PHF20L1: variants seen among roughly 807,000 people sequenced by gnomAD.
The protein encoded by PHF20L1 is PHD finger protein 20-like protein 1.
PHF20L1 carries 44 observed loss-of-function variants against 125.5 expected under a neutral mutation model. The observed-to-expected ratio is 0.35, with a 90% CI of 0.28 to 0.45. PHF20L1 has a LOEUF of 0.45. PHF20L1 is among the 20% of genes least tolerant of loss of function. The pLI is 1.00. For missense variants in PHF20L1, 1,012 were observed against 1,217.2 expected (o/e 0.83, Z 2.51); for synonymous variants, 380 against 403.1 (o/e 0.94, Z 0.69).
intron 2 of PHF20L1, among the ~76,000 whole-genome samples, chr8:132,792,479 C>G (rs1831845471): frequency 6.6e-6 from 1 of 152,150 alleles, no homozygotes; most frequent in Non-Finnish European, 1.5e-5. Flanking sequence ...CAGGTCTTCC[C>G]TCACCTATAC....
chr8:132,777,769 C>CT, intron 1 of PHF20L1, 23 bp from the exon 2 acceptor site: 2 of 1,086,278 alleles, frequency 1.8e-6, no homozygotes, highest in Non-Finnish European at 2.8e-6. Context: ...GCATTGGAAT[C>CT]TAACTTTTTT....
At chr8:132,796,029 T>G (rs1186259807) in intron 4 of PHF20L1, among the ~76,000 whole-genome samples, 1 of 152,134 alleles carries the variant, frequency 6.6e-6, no homozygotes, top group African/African-American at 2.4e-5. Context: ...GTATTCATTG[T>G]TATTACTAAA....
intron 8 of PHF20L1, chr8:132,807,458 G>A: frequency 8.5e-6 from 2 of 236,088 alleles, no homozygotes; most frequent in South Asian, 4.9e-5. Context: ...GGCTCTAAGA[G>A]TTCCTGGAAT....
intron 12 of PHF20L1, among the ~76,000 whole-genome samples, chr8:132,822,947 C>A (rs1835761265): frequency 6.6e-6 from 1 of 151,714 alleles, no homozygotes; most frequent in Admixed American, 6.6e-5. Flanking sequence ...TTTAAATGTA[C>A]TGTAGTATTT....
chr8:132,792,970 T>TC (rs1554627949), intron 2 of PHF20L1, among the ~76,000 whole-genome samples: 5 of 150,426 alleles, frequency 3.3e-5, no homozygotes, highest in Admixed American at 6.6e-5. Flanking sequence ...TTTTCTTTTT[T>TC]TTTTTTTTTT....
At chr8:132,838,061 T>A (rs1282627653) in intron 17 of PHF20L1, 2 of 378,508 alleles carry the variant, frequency 5.3e-6, no homozygotes, top group East Asian at 9.6e-5. Flanking sequence ...AACCTATTGA[T>A]TACCCTTAGT....
At chr8:132,821,440 A>G (rs1216007155) in intron 12 of PHF20L1, among the ~76,000 whole-genome samples, 1 of 151,946 alleles carries the variant, frequency 6.6e-6, no homozygotes, top group East Asian at 1.9e-4. Flanking sequence ...GGGTTTTGAA[A>G]TGGCCTTCAT....
intron 12 of PHF20L1, among the ~76,000 whole-genome samples, chr8:132,820,927 T>A (rs552776009): frequency 7.2e-5 from 11 of 152,048 alleles, no homozygotes; most frequent in African/African-American, 2.4e-4. Context: ...TTAAAAGAAA[T>A]ACCTTTAGTA....
At chr8:132,817,856 G>T in intron 12 of PHF20L1, 1 of 211,350 alleles carries the variant, frequency 4.7e-6, no homozygotes, top group Non-Finnish European at 9.4e-6. Flanking sequence ...TATAGTTACA[G>T]GAATTCTTAC....
intron 2 of PHF20L1, among the ~76,000 whole-genome samples, chr8:132,779,472 A>G (rs1006055483): frequency 1.3e-5 from 2 of 152,200 alleles, no homozygotes; most frequent in African/African-American, 2.4e-5. Context: ...AGGGTATAAG[A>G]AATAATACTT....
intron 2 of PHF20L1, among the ~76,000 whole-genome samples, chr8:132,781,372 T>C (rs1255645737): frequency 6.6e-6 from 1 of 152,154 alleles, no homozygotes; most frequent in African/African-American, 2.4e-5. Context: ...GAAAATGCAT[T>C]GTACCTTTTT....
chr8:132,805,977 G>A (rs1325480356), intron 8 of PHF20L1, among the ~76,000 whole-genome samples: 3 of 151,914 alleles, frequency 2.0e-5, no homozygotes, highest in Non-Finnish European at 4.4e-5. Flanking sequence ...TTGTTCTTAT[G>A]GCATGAGACT....
intron 9 of PHF20L1, among the ~76,000 whole-genome samples, chr8:132,813,373 G>C (rs1033707837): frequency 6.6e-6 from 1 of 151,914 alleles, no homozygotes; most frequent in Non-Finnish European, 1.5e-5. Context: ...CTTTTATGTG[G>C]TATGTCCAAC....
At chr8:132,783,888 C>T (rs1830713899) in intron 2 of PHF20L1, among the ~76,000 whole-genome samples, 1 of 152,076 alleles carries the variant, frequency 6.6e-6, no homozygotes, top group African/African-American at 2.4e-5. Context: ...TTCTTGCAGA[C>T]AATTCATTTG....
Position 132,847,263 on chromosome 8 carries a change from A to G in PHF20L1, c.*1340A>G, listed in dbSNP as rs1838485562. On this transcript the variant is annotated 3_prime_UTR_variant, in exon 21 of 21. Transcript: ENST00000395386. ...TAGACTATACGAATTGGTGGTTAAC[A>G]TGAAATGTTACCTTTTAACAGACTG... is the stretch of plus-strand genomic sequence containing the variant. 1 of 152,622 alleles carries G rather than the reference A, an allele frequency of 6.6e-6. No homozygotes were observed. Among genetic ancestry groups the G allele is most frequent in the Admixed American group, 6.5e-5 (1 of 15,272 alleles). The allele number at this position is 152,622 out of a possible 1,614,324, so 9.5% of individuals were successfully genotyped here.
At chr8:132,810,848 T>G (rs1586953291) in intron 8 of PHF20L1, 198 bp from the exon 9 acceptor site, 2 of 515,804 alleles carry the variant, frequency 3.9e-6, no homozygotes, top group East Asian at 6.8e-5. Flanking sequence ...CACAACTGTA[T>G]AAGCAACTCT....
intron 8 of PHF20L1, chr8:132,806,848 G>A (rs1429568855): frequency 6.6e-6 from 1 of 151,968 alleles, no homozygotes; most frequent in East Asian, 1.9e-4. Flanking sequence ...CTGCTCTGAT[G>A]TATTTCTCTC....
intron 10 of PHF20L1, chr8:132,816,171 A>G (rs1197968340): frequency 1.3e-5 from 2 of 152,054 alleles, no homozygotes; most frequent in Admixed American, 6.6e-5. Context: ...GAAGATATCT[A>G]AAAGTGTGAG....
intron 1 of PHF20L1, among the ~76,000 whole-genome samples, chr8:132,776,415 G>T (rs1829773398): frequency 6.6e-6 from 1 of 152,142 alleles, no homozygotes; most frequent in Non-Finnish European, 1.5e-5. Context: ...TTAAGTAACT[G>T]CCTTACGTGT....
Sources: gnomAD v4.1 joint callset for allele counts (sites outside exome capture counted in the v4.1 genomes callset) on GRCh38, gnomAD v4.1.1 for gene constraint, MANE v1.5 for transcripts, NCBI Gene and HGNC (gene_info 2026-07-23, HGNC 2026-07-21) for gene names.